ZNF333: variants seen among roughly 807,000 people sequenced by gnomAD.
ZNF333 encodes the protein zinc finger protein 333.
ZNF333 carries 61 observed loss-of-function variants against 76.1 expected under a neutral mutation model. The ratio of observed to expected loss-of-function variants is 0.80; its 90% CI spans 0.65 to 0.99. The LOEUF is 0.99. Among genes scored for constraint, ZNF333 ranks in the 50% least tolerant of loss-of-function variants. The pLI is 0.00. For missense variants in ZNF333, 717 were observed against 822.4 expected, an observed-to-expected ratio of 0.87 and a Z score of 1.57; for synonymous variants, 284 against 305.0, an observed-to-expected ratio of 0.93 and a Z score of 0.72.
At chr19:14,693,385 G>C in intron 1 of ZNF333, 66 bp from the exon 2 acceptor site, 1 of 1,306,448 alleles carries the variant, frequency 7.7e-7, no homozygotes, top group Non-Finnish European at 1.1e-6. Context: ...CTCTGCTGGA[G>C]ATCCCCCAAA....
Position 14,692,528 on chromosome 19 carries a change from C to G in ZNF333, c.-41-923C>G, listed in dbSNP as rs796752620. On this transcript the variant is annotated intron_variant, in intron 1 of 11. Transcript: ENST00000292530. ...GATCTTCTTTTTATTTATTTTTTTT[C>G]TTTCAGACAGAGTCTTGCTCTGTCA... Among the ~76,000 whole-genome samples, 13 of 151,324 alleles carry G rather than the reference C, an allele frequency of 8.6e-5. No homozygotes were observed. In the South Asian group the frequency reaches 2.5e-3, roughly 29 times the overall value.
At chr19:14,704,934 C>T (rs1252943331) in intron 5 of ZNF333, 120 bp from the exon 6 acceptor site, 4 of 841,222 alleles carry the variant, frequency 4.8e-6, no homozygotes, top group Non-Finnish European at 5.7e-6. Context: ...TGAGCCACTG[C>T]ACCCATCCCC....
At chr19:14,697,017 G>A (rs1322285046) in intron 4 of ZNF333, among the ~76,000 whole-genome samples, 1 of 152,098 alleles carries the variant, frequency 6.6e-6, no homozygotes, top group African/African-American at 2.4e-5. Flanking sequence ...GATTACAGGC[G>A]TGAGCCATTG....
chr19:14,695,143 G>A lies in ZNF333; in HGVS notation c.127+10G>A, dbSNP rs1277311113. On this transcript the variant is annotated intron_variant, in intron 3 of 11. Transcript: ENST00000292530. The stretch of plus-strand genomic sequence containing the variant: ...ACCCTGGCCTCCAGGGGTAAGGCTG[G>A]CGTCACCTGGCTCCTTCCTGTACGC... The A allele has an allele frequency of 6.2e-7, 1 of 1,612,116 alleles. No individual in the cohort carries two copies. Among genetic ancestry groups the A allele is most frequent in the Non-Finnish European group, 8.5e-7 (1 of 1,178,692 alleles).
At chr19:14,730,803 T>C (rs1261807348) in intron 11 of ZNF333, among the ~76,000 whole-genome samples, 1 of 151,550 alleles carries the variant, frequency 6.6e-6, no homozygotes, top group East Asian at 1.9e-4. Context: ...ACCCTTGCCC[T>C]CCTCCCTCCC....
chr19:14,695,247 A>C, intron 3 of ZNF333, 114 bp downstream of exon 3: 1 of 1,391,444 alleles, frequency 7.2e-7, no homozygotes, highest in Non-Finnish European at 9.6e-7. Context: ...TAGCGTCCAC[A>C]GGATGACAAA....
At chr19:14,731,439 C>CT (rs1443407019) in exon 12 of ZNF333, 1 of 524,196 alleles carries the variant, frequency 1.9e-6, no homozygotes, top group Non-Finnish European at 3.4e-6. Context: ...AGACTAAGGC[C>CT]TGTGTGGGTC....
intron 7 of ZNF333, among the ~76,000 whole-genome samples, chr19:14,714,377 G>T (rs2042364790): frequency 6.6e-6 from 1 of 152,128 alleles, no homozygotes; most frequent in African/African-American, 2.4e-5. Flanking sequence ...CCGTGCGACG[G>T]TGGAGGCAGA....
intron 5 of ZNF333, among the ~76,000 whole-genome samples, chr19:14,700,940 G>A (rs191775537): frequency 6.6e-5 from 10 of 152,288 alleles, no homozygotes; most frequent in Admixed American, 2.0e-4. Context: ...CTGGAACACA[G>A]AGAAGCCTCA....
Position 14,700,668 on chromosome 19 carries a change from G to C in ZNF333, c.306+1387G>C, listed in dbSNP as rs531387432. 2.0e-5 allele frequency among the ~76,000 whole-genome samples: 3 copies of C among 152,262 alleles called. No homozygotes were observed. In the South Asian group the frequency reaches 6.2e-4, roughly 32 times the overall value. On this transcript the variant is annotated intron_variant, in intron 5 of 11. Transcript: ENST00000292530. Reference sequence around the variant, plus strand: ...GCCTCAAACAAGAGGACCTTCCAAAGTTTGAGTTCCCATTCCTGAGTATTG... The same window carrying C: ...GCCTCAAACAAGAGGACCTTCCAAACTTTGAGTTCCCATTCCTGAGTATTG...
chr19:14,715,323 C>CT, intron 7 of ZNF333, 59 bp from the exon 8 acceptor site: 1 of 1,526,528 alleles, frequency 6.6e-7, no homozygotes, highest in South Asian at 1.1e-5. Flanking sequence ...GACTTGGGGC[C>CT]TGTGAGTGTG....
intron 1 of ZNF333, among the ~76,000 whole-genome samples, chr19:14,690,461 A>G (rs936534060): frequency 5.3e-5 from 8 of 152,190 alleles, no homozygotes; most frequent in Admixed American, 2.6e-4. Flanking sequence ...GTCCTTCCCA[A>G]TTTTTAGGGA....
At chr19:14,707,312 C>A (rs1426979164) in intron 7 of ZNF333, 2 of 151,006 alleles carry the variant, frequency 1.3e-5, no homozygotes, top group Admixed American at 1.3e-4. Flanking sequence ...GAGGCTGAGG[C>A]AGGAGGATCG....
At chr19:14,689,989 A>C (rs1249639790), upstream of ZNF333, 2 of 152,160 alleles carry the variant, frequency 1.3e-5, no homozygotes, top group South Asian at 4.2e-4. Flanking sequence ...GCCTAAGGCT[A>C]CCCTGGCCAC....
In ZNF333 at chr19:14,697,362, T is replaced by C. The variant is rs199723102; in HGVS notation, c.223+1701T>C. 5.1e-3 allele frequency among the ~76,000 whole-genome samples: 659 copies of C among 130,312 alleles called. 3 individuals carry two copies. The highest frequency in any genetic ancestry group is 0.019 in the African/African-American group (601 of 31,068). The allele number at this position is 130,312 out of a possible 152,430, so 85.5% of individuals were successfully genotyped here. A position where few individuals can be genotyped will look rare whatever the true frequency, so the allele number is the denominator to read the frequency against. ...CAATATTTCTTTTTTCTTTTCTTTTTTTTTTTTTTTTTTTTTTGAGATAGG... is the reference window on the plus strand; with the variant it reads ...CAATATTTCTTTTTTCTTTTCTTTTCTTTTTTTTTTTTTTTTTGAGATAGG... On this transcript the variant is annotated intron_variant, in intron 4 of 11. Transcript: ENST00000292530.
chr19:14,708,648 A>G (rs1402206968), intron 7 of ZNF333: 3 of 342,880 alleles, frequency 8.7e-6, no homozygotes, highest in Non-Finnish European at 1.6e-5. Context: ...GATGCTGAGC[A>G]GCATCCCTGG....
chr19:14,694,444 G>T (rs921131271), intron 2 of ZNF333, among the ~76,000 whole-genome samples: 1 of 150,590 alleles, frequency 6.6e-6, no homozygotes, highest in Non-Finnish European at 1.5e-5. Flanking sequence ...CTGCACTCCA[G>T]CCTGGACGAC....
At chr19:14,714,354 C>T (rs931028872) in intron 7 of ZNF333, among the ~76,000 whole-genome samples, 5 of 152,022 alleles carry the variant, frequency 3.3e-5, no homozygotes, top group East Asian at 1.9e-4. Context: ...AAGACAGACA[C>T]GCAGGGAGGG....
intron 7 of ZNF333, chr19:14,708,631 A>G: frequency 5.6e-6 from 2 of 358,040 alleles, no homozygotes; most frequent in Non-Finnish European, 1.0e-5. Context: ...CGTCCTGTGC[A>G]TTATAGGATG....
Sources: allele counts gnomAD v4.1 joint callset (sites outside exome capture counted in the v4.1 genomes callset), GRCh38; gene constraint gnomAD v4.1.1; transcripts MANE v1.5; gene names NCBI Gene and HGNC (gene_info 2026-07-23, HGNC 2026-07-21).